NBPF14: variants seen among roughly 807,000 people sequenced by gnomAD.
NBPF14 encodes the protein NBPF family member NBPF14.
A neutral mutation model predicts 91.2 loss-of-function variants in NBPF14; 104 were observed. The ratio of observed to expected loss-of-function variants is 1.14; its 90% confidence interval spans 0.97 to 1.34. NBPF14 has a LOEUF of 1.34. NBPF14 is among the 40% of genes most tolerant of loss of function. The pLI, the probability that NBPF14 is intolerant of heterozygous loss-of-function variation, is 0.00. For synonymous variants in NBPF14, 294 were observed against 303.8 expected (o/e 0.97, Z 0.34); for missense variants, 908 against 783.0 (o/e 1.16, Z -1.91).
At chr1:148,591,565 C>G in intron 4 of NBPF14, 61 bp from the exon 5 acceptor site, 1 of 1,609,826 alleles carries the variant, frequency 6.2e-7, no homozygotes, top group Admixed American at 1.7e-5. Flanking sequence ...GCACAGTCAG[C>G]CCAACGTGCA....
exon 25 of NBPF14, chr1:148,569,368 C>A (rs1340492497): frequency 1.6e-5 from 6 of 381,420 alleles, no homozygotes; most frequent in Non-Finnish European, 2.7e-5. Context: ...TGAATAACAT[C>A]TATCCAGTGA....
intron 9 of NBPF14, among the ~76,000 whole-genome samples, chr1:148,585,904 A>G (rs1286504489): frequency 3.3e-5 from 5 of 149,744 alleles, no homozygotes; most frequent in Non-Finnish European, 7.5e-5. Flanking sequence ...TACTAAGAAC[A>G]TTGCCGAAAA....
intron 28 of NBPF14, 93 bp from the exon 29 acceptor site, chr1:148,566,408 T>TA: frequency 1.6e-6 from 1 of 619,136 alleles, no homozygotes; most frequent in African/African-American, 1.9e-5. Context: ...GGGAAGTGGT[T>TA]AAAAAACTAA....
At chr1:148,534,545 A>C in intron 69 of NBPF14, 139 bp downstream of exon 69, 1 of 712,436 alleles carries the variant, frequency 1.4e-6, no homozygotes, top group Non-Finnish European at 2.6e-6. Context: ...CTACAGTTTC[A>C]TTACAACCTA....
chr1:148,591,155 CAG>C (rs1443784844), intron 5 of NBPF14, among the ~76,000 whole-genome samples, 187 bp from the exon 6 acceptor site: 4 of 146,346 alleles, frequency 2.7e-5, no homozygotes. Flanking sequence ...CCATGGGAGC[CAG>C]AGAGGAAGAG....
intron 69 of NBPF14, among the ~76,000 whole-genome samples, chr1:148,534,242 C>G (rs368945031): frequency 6.6e-6 from 1 of 151,384 alleles, no homozygotes; most frequent in African/African-American, 2.4e-5. Context: ...CCATATTTTT[C>G]CAATCAACGT....
chr1:148,589,692 C>T (rs1323908396), intron 6 of NBPF14, among the ~76,000 whole-genome samples: 1 of 120,784 alleles, frequency 8.3e-6, no homozygotes, highest in Admixed American at 8.4e-5. Flanking sequence ...CTGTGTAGCA[C>T]AAAAGATTTC....
At chr1:148,561,839 A>G (rs1335596127) in intron 34 of NBPF14, among the ~76,000 whole-genome samples, 18 of 138,146 alleles carry the variant, frequency 1.3e-4, no homozygotes, top group Non-Finnish European at 5.9e-5. Context: ...AGAGAGAGAG[A>G]GAGAGAGAAC....
chr1:148,577,569 C>G (rs1226114029), intron 14 of NBPF14, among the ~76,000 whole-genome samples: 4 of 150,856 alleles, frequency 2.7e-5, no homozygotes, highest in Non-Finnish European at 4.4e-5. Context: ...CACACACACA[C>G]ACACACACTC....
intron 12 of NBPF14, among the ~76,000 whole-genome samples, chr1:148,581,727 C>T (rs1235179162): frequency 1.3e-5 from 2 of 151,174 alleles, no homozygotes; most frequent in East Asian, 2.0e-4. Context: ...ACATGCCAAA[C>T]TGTAAAGACC....
intron 15 of NBPF14, among the ~76,000 whole-genome samples, chr1:148,576,701 C>T (rs1659822825): frequency 7.8e-6 from 1 of 128,030 alleles, no homozygotes; most frequent in Non-Finnish European, 1.7e-5. Flanking sequence ...TATCATTTGT[C>T]CCAAGTTTGT....
intron 8 of NBPF14, among the ~76,000 whole-genome samples, chr1:148,587,010 T>C (rs1427743037): frequency 2.0e-5 from 3 of 146,882 alleles, no homozygotes; most frequent in South Asian, 4.4e-4. Context: ...ATTTTGAGTA[T>C]ACTGAATGCT....
chr1:148,591,282 C>T lies in NBPF14; in HGVS notation c.566+150G>A, dbSNP rs1290556129. On this transcript the variant is annotated intron_variant, in intron 5 of 70. Transcript: ENST00000619423. ...ACACATAGAGAAACACGACAGCTGC[C>T]GCACCCTGTGTCTAAGCTGGGTTGA... 1.8e-5 allele frequency: 22 copies of T among 1,226,994 alleles called. 3 individuals are homozygous for T. Among genetic ancestry groups the T allele is most frequent in the South Asian group, 1.2e-4 (9 of 78,258 alleles). The allele number at this position is 1,226,994 out of a possible 1,614,324, so 76.0% of individuals were successfully genotyped here. A position where few individuals can be genotyped will look rare whatever the true frequency, so the allele number is the denominator to read the frequency against.
At chr1:148,534,985 G>C (rs1160743616) in intron 68 of NBPF14, 129 bp from the exon 69 acceptor site, 11 of 723,716 alleles carry the variant, frequency 1.5e-5, no homozygotes, top group Non-Finnish European at 2.8e-5. Flanking sequence ...ATGAGGTAAC[G>C]AATTATTGCC....
In NBPF14 at chr1:148,593,521, A is replaced by C. The variant is rs1259026847; in HGVS notation, c.278+77T>G. The C allele has an allele frequency of 4.3e-5, 42 of 988,070 alleles. 1 individual carries two copies. In the South Asian group the frequency reaches 5.4e-4, roughly 13 times the overall value. The allele number at this position is 988,070 out of a possible 1,614,324, so 61.2% of individuals were successfully genotyped here. A position where few individuals can be genotyped will look rare whatever the true frequency, so the allele number is the denominator to read the frequency against. On this transcript the variant is annotated intron_variant, in intron 3 of 70. Coordinates refer to ENST00000619423, the Ensembl canonical transcript of NBPF14. ...CTTCCCCTGGCCCAGCTTCGTTCTT[A>C]CTTCTCCCCGCCGAGCTGCTGTACT...
At chr1:148,560,158 A>T (rs1570947108) in intron 36 of NBPF14, among the ~76,000 whole-genome samples, 193 bp from the exon 37 acceptor site, 2 of 148,038 alleles carry the variant, frequency 1.4e-5, no homozygotes, top group Non-Finnish European at 2.9e-5. Context: ...AGAAAGACAG[A>T]GAGAGAGAGA....
rs1254494779 is a variant in NBPF14, at chr1:148,566,360, A to T, written c.3543-45T>A. The T allele has an allele frequency of 6.6e-6, 5 of 753,962 alleles. 1 individual carries two copies. The highest frequency in any genetic ancestry group is 2.8e-5 in the South Asian group (2 of 71,494). 46.7% of individuals were successfully genotyped at this position (753,962 alleles called of 1,614,324 possible). A position where few individuals can be genotyped will look rare whatever the true frequency, so the allele number is the denominator to read the frequency against. ...TAAAGAATAAGCCAGGGGAAATCAG[A>T]CACAACAGAGCCTCAACTAGGTTTC... On this transcript the variant is annotated intron_variant, in intron 28 of 70. Transcript: ENST00000619423.
At chr1:148,577,858 A>G in intron 14 of NBPF14, 125 bp downstream of exon 14, 1 of 591,390 alleles carries the variant, frequency 1.7e-6, no homozygotes, top group South Asian at 2.0e-5. Flanking sequence ...AAAGCAATGT[A>G]GTAGGCATAA....
intron 6 of NBPF14, among the ~76,000 whole-genome samples, chr1:148,590,041 T>C (rs1169066386): frequency 3.7e-5 from 3 of 80,368 alleles, no homozygotes; most frequent in African/African-American, 1.7e-4. Context: ...AGAGACTTAC[T>C]TTTTTTTTTT....
Sources: allele counts gnomAD v4.1 joint callset (sites outside exome capture counted in the v4.1 genomes callset), GRCh38; gene constraint gnomAD v4.1.1; transcripts MANE v1.5; gene names NCBI Gene and HGNC (gene_info 2026-07-23, HGNC 2026-07-21).